The following PMS2 variants were observed in gnomAD, a reference collection of about 807,000 sequenced individuals.
The protein encoded by PMS2 is PMS1 homolog 2, mismatch repair system component, also known as mismatch repair endonuclease PMS2.
Under a neutral mutation model 90.0 loss-of-function variants are expected in PMS2, and 69 were observed. That is an observed-to-expected ratio of 0.77 (90% CI 0.63 to 0.94). The LOEUF (loss-of-function observed/expected upper bound fraction) is 0.94. PMS2 is among the 40% of genes least tolerant of loss of function. The pLI is 0.00. For synonymous variants in PMS2, 332 were observed against 375.1 expected (o/e 0.89, Z 1.33); for missense variants, 966 against 1,040.2 (o/e 0.93, Z 0.98).
chr7:5,997,171 A>G (rs7793254), intron 7 of PMS2, among the ~76,000 whole-genome samples, 155 bp downstream of exon 7: 42,684 of 150,800 alleles, frequency 0.28, 6,706 homozygotes, highest in African/African-American at 0.41. Context: ...CCAAGATAGC[A>G]CCATTGCACT....
intron 8 of PMS2, among the ~76,000 whole-genome samples, chr7:5,995,218 G>C (rs1056644788): frequency 3.9e-5 from 6 of 151,900 alleles, no homozygotes; most frequent in Admixed American, 2.6e-4. Flanking sequence ...TTGTATTTTA[G>C]TAGAGACGGG....
At chr7:5,995,422 C>T in intron 8 of PMS2, 112 bp downstream of exon 8, 1 of 728,918 alleles carries the variant, frequency 1.4e-6, no homozygotes, top group South Asian at 1.5e-5. Context: ...AATGTTAAAG[C>T]CATGTTTCTC....
intron 13 of PMS2, among the ~76,000 whole-genome samples, chr7:5,978,380 C>T (rs1369557440): frequency 6.7e-6 from 1 of 148,418 alleles, no homozygotes; most frequent in African/African-American, 2.5e-5. Context: ...AAGCGATTCT[C>T]CCACCTCAGC....
chr7:5,979,033 A>G (rs2128686355), intron 12 of PMS2, among the ~76,000 whole-genome samples: 1 of 147,990 alleles, frequency 6.8e-6, no homozygotes, highest in South Asian at 2.1e-4. Context: ...TCTCTCTACT[A>G]AAAATATAAA....
At chr7:5,992,151 T>C (rs1783828451) in intron 8 of PMS2, 94 bp from the exon 9 acceptor site, 1 of 730,260 alleles carries the variant, frequency 1.4e-6, no homozygotes, top group Admixed American at 2.2e-5. Flanking sequence ...ACCAGCATGT[T>C]CTTAGAAGGG....
At chr7:5,994,157 C>T (rs1187068630) in intron 8 of PMS2, among the ~76,000 whole-genome samples, 2 of 151,472 alleles carry the variant, frequency 1.3e-5, no homozygotes, top group Non-Finnish European at 2.9e-5. Flanking sequence ...CCAAGGCAGG[C>T]AGATCACGAG....
chr7:5,976,187 G>A (rs1267959784), intron 14 of PMS2, among the ~76,000 whole-genome samples: 2 of 141,604 alleles, frequency 1.4e-5, no homozygotes, highest in East Asian at 5.5e-4. Context: ...AGTGAGCTGA[G>A]ATCACATCAC....
chr7:5,996,596 T>A (rs374247584), intron 7 of PMS2, among the ~76,000 whole-genome samples: 6,186 of 111,596 alleles, frequency 0.055, 191 homozygotes, highest in Middle Eastern at 0.13. Flanking sequence ...AAAAAATATA[T>A]ATATATATAT....
rs1467407570 is a variant in PMS2, at chr7:5,983,802, C to T, written c.2007-811G>A. ...GAGTAGCTGGGACTACAGGCATGCA[C>T]CGCCAAGCCCGGCTAATTTTTTTAT... On this transcript the variant is annotated intron_variant, in intron 11 of 14. Coordinates refer to ENST00000265849, the MANE Select transcript of PMS2 (RefSeq NM_000535.7). Among the ~76,000 whole-genome samples the T allele has an allele frequency of 2.0e-5, 3 of 151,618 alleles. 1 individual carries two copies. Among genetic ancestry groups the T allele is most frequent in the African/African-American group, 4.9e-5 (2 of 40,954 alleles).
At chr7:5,996,236 C>CAACA (rs1019803172) in intron 7 of PMS2, among the ~76,000 whole-genome samples, 1 of 151,972 alleles carries the variant, frequency 6.6e-6, no homozygotes, top group Non-Finnish European at 1.5e-5. Context: ...GATCTCAAGG[C>CAACA]AACAAACAAA....
chr7:5,992,158 A>G, intron 8 of PMS2, 101 bp from the exon 9 acceptor site: 1 of 690,766 alleles, frequency 1.4e-6, no homozygotes. Context: ...TGTTCTTAGA[A>G]GGGGATACTT....
Position 5,983,349 on chromosome 7 carries a change from T to A in PMS2, c.2007-358A>T, listed in dbSNP as rs551303833. Among the ~76,000 whole-genome samples the A allele has an allele frequency of 2.4e-3, 357 of 151,618 alleles. 3 individuals carry two copies. Among genetic ancestry groups the A allele is most frequent in the Non-Finnish European group, 3.8e-3 (255 of 67,976 alleles). On this transcript the variant is annotated intron_variant, in intron 11 of 14. Coordinates refer to ENST00000265849, the MANE Select transcript of PMS2 (RefSeq NM_000535.7). Reference sequence around the variant, plus strand: ...TGGTCTCGAACTCCTGACCTCATGATCTGCCCGCCTTGGCCTCCCAAAGTG... The same window carrying A: ...TGGTCTCGAACTCCTGACCTCATGAACTGCCCGCCTTGGCCTCCCAAAGTG...
At chr7:5,977,357 G>C (rs1374717779) in intron 14 of PMS2, among the ~76,000 whole-genome samples, 24 of 147,160 alleles carry the variant, frequency 1.6e-4, no homozygotes, top group African/African-American at 5.9e-4. Flanking sequence ...GCCCGGCCAA[G>C]AATACTGCTT....
chr7:6,000,989 A>G (rs1319412888), intron 5 of PMS2, among the ~76,000 whole-genome samples: 1 of 152,190 alleles, frequency 6.6e-6, no homozygotes, highest in Non-Finnish European at 1.5e-5. Context: ...AGAAGACTCC[A>G]TCTAAAAAAA....
rs869312801 is a variant in PMS2, at chr7:5,987,062, G to C, written c.1703C>G (p.Pro568Arg). 6.8e-6 allele frequency: 11 copies of C among 1,614,018 alleles called. No individual in the cohort carries two copies. The highest frequency in any genetic ancestry group is 8.5e-6 in the Non-Finnish European group (10 of 1,180,050). ...TGCKFRVLPQPTNLATPNTKR... is the reference protein window; with the variant it reads ...TGCKFRVLPQRTNLATPNTKR... ...TGTGTTTGGGGTTGCGAGATTAGTT[G>C]GCTGAGGCAAAACTCGAAATTTACA... Residue 568 changes from proline to arginine, a missense_variant, in exon 11 of 15, where the codon CCA becomes CGA. This residue lies in a region of PMS2 where 871 missense variants were observed against 802.4 expected (regional missense o/e 1.09). Transcript: ENST00000265849.
intron 9 of PMS2, among the ~76,000 whole-genome samples, chr7:5,990,763 C>T (rs953474630): frequency 1.3e-5 from 2 of 152,130 alleles, no homozygotes; most frequent in Non-Finnish European, 2.9e-5. Context: ...CCTGTAATCC[C>T]AGCACTTTGG....
At chr7:6,005,806 A>G (rs2128842233) in intron 2 of PMS2, 86 bp downstream of exon 2, 2 of 1,592,798 alleles carry the variant, frequency 1.3e-6, no homozygotes, top group Non-Finnish European at 1.7e-6. Context: ...TCAACACTTG[A>G]TAGTCTTATT....
intron 6 of PMS2, among the ~76,000 whole-genome samples, chr7:5,998,063 G>A (rs1355667236): frequency 6.7e-6 from 1 of 149,910 alleles, no homozygotes; most frequent in Non-Finnish European, 1.5e-5. Context: ...ATCAATTTTT[G>A]TGATAGGTAC....
At chr7:6,006,435 T>G (rs1210399841) in intron 1 of PMS2, among the ~76,000 whole-genome samples, 3 of 152,104 alleles carry the variant, frequency 2.0e-5, no homozygotes, top group Admixed American at 2.0e-4. Context: ...GTGGATAACT[T>G]GAGGTCAGGA....
Sources: allele counts gnomAD v4.1 joint callset (sites outside exome capture counted in the v4.1 genomes callset), GRCh38; gene constraint gnomAD v4.1.1; regional missense constraint gnomAD v4.1.1; transcripts MANE v1.5; gene names NCBI Gene and HGNC (gene_info 2026-07-23, HGNC 2026-07-21).